The following NLE1 variants were observed in gnomAD, a reference collection of about 807,000 sequenced individuals.
NLE1 encodes notchless protein homolog 1.
NLE1 carries 37 observed loss-of-function variants against 62.8 expected under a neutral mutation model. The ratio of observed to expected loss-of-function variants is 0.59; its 90% CI spans 0.45 to 0.78. The LOEUF is 0.78. Ranked by LOEUF, NLE1 falls within the 30% of genes least tolerant of loss-of-function variation. The pLI is 0.00. For missense variants in NLE1, 555 were observed against 637.9 expected (o/e 0.87, Z 1.40); for synonymous variants, 243 against 253.0 (o/e 0.96, Z 0.37).
At chr17:35,134,256 C>A (rs1013426600) in intron 10 of NLE1, among the ~76,000 whole-genome samples, 3 of 152,164 alleles carry the variant, frequency 2.0e-5, no homozygotes, top group African/African-American at 7.2e-5. Context: ...ATGCTGATGC[C>A]GCTGGTCTGT....
rs200850667 is a variant in NLE1, at chr17:35,139,837, A to C, written c.380+12T>G. On this transcript the variant is annotated intron_variant, in intron 3 of 12. Coordinates refer to ENST00000442241, the MANE Select transcript of NLE1 (RefSeq NM_018096.5). ...CCACATACCCCCTCCATGAGTCTGC[A>C]GCTGTCCTTACTTTCCCGTAGGGCT... 417 of 1,610,030 alleles carry C rather than the reference A, an allele frequency of 2.6e-4. 2 individuals carry two copies. The highest frequency in any genetic ancestry group is 2.0e-3 in the Admixed American group (119 of 60,020).
At position 35,129,490 on chromosome 17, in the gene NLE1, C is replaced by A. The variant is rs2091863336; in HGVS notation, c.*2947G>T. ...ACCAGCTCCTGTTACAGGAGGTGGC[C>A]AAGACACAGGAGAATGAGTTGCCCG... is the stretch of plus-strand genomic sequence containing the variant. On this transcript the variant is annotated 3_prime_UTR_variant, in exon 13 of 13. Transcript: ENST00000442241. 2 of 1,614,170 alleles carry A rather than the reference C, an allele frequency of 1.2e-6. No homozygotes were observed. The highest frequency in any genetic ancestry group is 1.7e-6 in the Non-Finnish European group (2 of 1,180,034).
rs1324881436 is a variant in NLE1 at position 35,137,176 on chromosome 17, T to C, written c.653A>G (p.Tyr218Cys). The change falls in exon 7 of 13, where the codon TAT (tyrosine) becomes TGT (cysteine). Residue 218 changes from tyrosine (Y) to cysteine (C), a missense_variant. Coordinates refer to ENST00000442241, the MANE Select transcript of NLE1 (RefSeq NM_018096.5). ...EPLHANPECR[Y>C]VASSSKDGSV... ...GCCATCCTTGGAGCTGCTGGCCACA[T>C]AGCGGCACTCAGGGTTCCTGGAGAG... 2.5e-6 allele frequency: 4 copies of C among 1,608,970 alleles called. No individual in the cohort carries two copies. Among genetic ancestry groups the C allele is most frequent in the African/African-American group, 2.7e-5 (2 of 74,808 alleles).
At chr17:35,135,725 A>C (rs1293932339) in intron 9 of NLE1, among the ~76,000 whole-genome samples, 2 of 152,256 alleles carry the variant, frequency 1.3e-5, no homozygotes, top group Non-Finnish European at 2.9e-5. Flanking sequence ...TGTTAAAAGA[A>C]GGATTTTATG....
intron 4 of NLE1, among the ~76,000 whole-genome samples, chr17:35,138,605 G>A (rs185948005): frequency 2.6e-5 from 4 of 152,180 alleles, no homozygotes; most frequent in East Asian, 1.9e-4. Context: ...CACCATGCCC[G>A]GCTAATTTTT....
chr17:35,133,661 A>G (rs755741514), intron 10 of NLE1, among the ~76,000 whole-genome samples, 163 bp from the exon 11 acceptor site: 3 of 152,156 alleles, frequency 2.0e-5, no homozygotes, highest in Non-Finnish European at 4.4e-5. Flanking sequence ...ATCCCAGACC[A>G]TTTTTAATCA....
Position 35,136,751 on chromosome 17 carries a change from C to G in NLE1, c.828+250G>C, listed in dbSNP as rs184259260. Among the ~76,000 whole-genome samples the G allele has an allele frequency of 4.1e-3, 626 of 152,234 alleles. 6 individuals carry two copies. The highest frequency in any genetic ancestry group is 0.014 in the African/African-American group (568 of 41,528). On this transcript the variant is annotated intron_variant, in intron 7 of 12. Transcript: ENST00000442241. ...CCAATACATTTGGGATATGGTAGATCTGATAAAGCCCAACAGCTGTCCTAC... is the reference window on the plus strand; with the variant it reads ...CCAATACATTTGGGATATGGTAGATGTGATAAAGCCCAACAGCTGTCCTAC...
Position 35,129,536 on chromosome 17 carries a change from ATCT to A in NLE1, c.*2898_*2900del. ...GCCCGAGGCAAAGAATCGTCCATGG[ATCT>A]TCAACAAGATTTTGGGCACTACTGT... On this transcript the variant is annotated 3_prime_UTR_variant, in exon 13 of 13. Transcript: ENST00000442241. 1 of 1,614,226 alleles carries A rather than the reference ATCT, an allele frequency of 6.2e-7. No homozygotes were observed. The highest frequency in any genetic ancestry group is 1.3e-5 in the African/African-American group (1 of 75,046).
intron 1 of NLE1, 38 bp downstream of exon 1, chr17:35,142,220 C>A: frequency 6.4e-7 from 1 of 1,562,140 alleles, no homozygotes; most frequent in Non-Finnish European, 8.6e-7. Context: ...CCTAGCGCCC[C>A]GCGGCGACGC....
Position 35,130,268 on chromosome 17 carries a change from T to A in NLE1, c.*2169A>T, listed in dbSNP as rs1286561231. The A allele has an allele frequency of 2.5e-6, 4 of 1,612,596 alleles. No individual in the cohort carries two copies. In the African/African-American group the frequency reaches 5.3e-5, roughly 22 times the overall value. On this transcript the variant is annotated 3_prime_UTR_variant, in exon 13 of 13. Transcript: ENST00000442241. ...TGGGAAGGAACTCTGAAGGGTTTTC[T>A]TGTTTCACTTCAGTTTGCAACCCTG...
Position 35,133,179 on chromosome 17 carries a change from G to A in NLE1, c.1437C>T (p.Cys479=), listed in dbSNP as rs968524755. 3.7e-6 allele frequency: 6 copies of A among 1,614,006 alleles called. No individual in the cohort carries two copies. In the African/African-American group the frequency reaches 6.7e-5, roughly 18 times the overall value. Residue 479 remains cysteine, a synonymous_variant, in exon 12 of 13, where the codon TGC becomes TGT. Coordinates refer to ENST00000442241, the MANE Select transcript of NLE1 (RefSeq NM_018096.5). ...QRVASGGKDK[C]LRIWRR ...ACTTCCCCCACACTCACATCCGGAG[G>A]CATTTGTCCTTCCCACCACTTGCCA... is the stretch of plus-strand genomic sequence containing the variant.
At chr17:35,139,820 C>A in intron 3 of NLE1, 29 bp downstream of exon 3, 2 of 1,603,542 alleles carry the variant, frequency 1.2e-6, no homozygotes, top group Non-Finnish European at 8.5e-7. Context: ...CCCCACATAC[C>A]CCCTCCATGA....
At chr17:35,138,027 T>C (rs1035659301) in intron 4 of NLE1, 137 bp from the exon 5 acceptor site, 1 of 638,870 alleles carries the variant, frequency 1.6e-6, no homozygotes. Context: ...GATGAGGCTT[T>C]CTGGGGATGG....
intron 9 of NLE1, among the ~76,000 whole-genome samples, 155 bp from the exon 10 acceptor site, chr17:35,135,606 C>A (rs1461939833): frequency 6.6e-6 from 1 of 152,088 alleles, no homozygotes; most frequent in East Asian, 1.9e-4. Context: ...GCCACTCACT[C>A]GCATGTGACC....
Position 35,139,927 on chromosome 17 carries a change from C to T in NLE1, c.302G>A (p.Arg101Gln), listed in dbSNP as rs1192084696. The T allele has an allele frequency of 2.5e-5, 41 of 1,614,038 alleles. No homozygotes were observed. The Admixed American group carries it at 6.5e-4, about 26-fold the overall frequency. The change falls in exon 3 of 13, where the codon CGG becomes CAG. Residue 101 changes from arginine (R) to glutamine (Q), a missense_variant. Transcript: ENST00000442241. ...GGAGCTGGTGCAGCGAGTCACAGCCCGGACTCTGAAGATAGCCTGTGGCTG... is the reference window on the plus strand; with the variant it reads ...GGAGCTGGTGCAGCGAGTCACAGCCTGGACTCTGAAGATAGCCTGTGGCTG... Reference protein sequence around the residue: ...IYQPQAIFRVRAVTRCTSSLE... With the variant: ...IYQPQAIFRVQAVTRCTSSLE...
At chr17:35,138,308 G>C (rs961815182) in intron 4 of NLE1, among the ~76,000 whole-genome samples, 13 of 152,178 alleles carry the variant, frequency 8.5e-5, no homozygotes, top group African/African-American at 2.9e-4. Context: ...CTTCAAGTGT[G>C]GTCGTCAGAG....
Position 35,136,370 on chromosome 17 carries a change from T to G in NLE1, c.956A>C (p.Gln319Pro), listed in dbSNP as rs1434367293. 6.2e-7 allele frequency: 1 copy of G among 1,613,188 alleles called. No homozygotes were observed. The highest frequency in any genetic ancestry group is 1.7e-5 in the Admixed American group (1 of 59,988). Residue 319 changes from glutamine to proline, a missense_variant, in exon 8 of 13, where the codon CAA becomes CCA. Physicochemically the swap from Gln to Pro is moderately conservative, Grantham distance 76 (BLOSUM62 -1). Transcript: ENST00000442241. ...TTCTCCCAATCACTCACAGGATCCT[T>G]GGAGGTCTTGGGGATTAACTGAGGC... ...AEASVNPQDL[Q>P]GSLQELKERA...
At chr17:35,135,502 A>T in intron 9 of NLE1, 51 bp from the exon 10 acceptor site, 1 of 1,563,496 alleles carries the variant, frequency 6.4e-7, no homozygotes, top group Non-Finnish European at 8.8e-7. Flanking sequence ...AGAAAGAAGG[A>T]GGAGGGCCCG....
intron 10 of NLE1, chr17:35,134,988 G>A (rs1160113956): frequency 9.0e-6 from 5 of 556,436 alleles, no homozygotes; most frequent in South Asian, 4.6e-5. Flanking sequence ...GGAAGCAGAG[G>A]TTGTAATGAG....
Sources: allele counts gnomAD v4.1 joint callset (sites outside exome capture counted in the v4.1 genomes callset), GRCh38; gene constraint gnomAD v4.1.1; transcripts MANE v1.5; gene names NCBI Gene and HGNC (gene_info 2026-07-23, HGNC 2026-07-21).